The following SDK1 variants were observed in gnomAD, a reference collection of about 807,000 sequenced individuals.
SDK1 encodes sidekick cell adhesion molecule 1, also known as protein sidekick-1.
In SDK1, 157 loss-of-function variants were observed where a neutral mutation model predicts 245.5. The ratio of observed to expected loss-of-function variants is 0.64; its 90% CI spans 0.56 to 0.73. The LOEUF is 0.73. Among genes scored for constraint, SDK1 ranks in the 30% least tolerant of loss-of-function variants. SDK1 has a pLI of 0.00. For missense variants in SDK1, 3,583 were observed against 3,002.3 expected (o/e 1.19, Z -4.52); for synonymous variants, 1,647 against 1,278.5 (o/e 1.29, Z -6.15).
chr7:3,340,014 C>G (rs982111497), intron 1 of SDK1, among the ~76,000 whole-genome samples: 1 of 152,026 alleles, frequency 6.6e-6, no homozygotes, highest in East Asian at 1.9e-4. Flanking sequence ...GAGGATATCA[C>G]TACAGAGGCT....
intron 1 of SDK1, among the ~76,000 whole-genome samples, chr7:3,412,823 A>G (rs1401353818): frequency 6.6e-6 from 1 of 152,178 alleles, no homozygotes; most frequent in African/African-American, 2.4e-5. Context: ...GATTTAAGGA[A>G]TGTGACCTTC....
In SDK1 at chr7:4,123,481, C is replaced by T. The variant is rs534361542; in HGVS notation, c.3824-3900C>T. ...ACCCTATGGGAGCTCTGTGCAGGCC[C>T]AGGGAGCAGGAGTGAGCCGGGTGGA... On this transcript the variant is annotated intron_variant, in intron 25 of 44. Transcript: ENST00000404826. Among the ~76,000 whole-genome samples, 29 of 152,246 alleles carry T rather than the reference C, an allele frequency of 1.9e-4. No individual in the cohort carries two copies. The East Asian group carries it at 5.4e-3, about 28-fold the overall frequency.
intron 17 of SDK1, among the ~76,000 whole-genome samples, chr7:4,031,055 G>A (rs975426327): frequency 6.6e-6 from 1 of 152,046 alleles, no homozygotes; most frequent in African/African-American, 2.4e-5. Flanking sequence ...ACATATACAT[G>A]TATACATACA....
chr7:3,658,488 GA>G (rs966462117), intron 4 of SDK1, among the ~76,000 whole-genome samples: 83 of 141,840 alleles, frequency 5.9e-4, no homozygotes, highest in Middle Eastern at 3.6e-3. Flanking sequence ...AGTCTTTAAG[GA>G]AAAAAAAAAA....
chr7:3,937,952 C>T (rs1232368750), intron 5 of SDK1, among the ~76,000 whole-genome samples: 1 of 152,120 alleles, frequency 6.6e-6, no homozygotes, highest in Non-Finnish European at 1.5e-5. Context: ...GTTCTCCTGT[C>T]TCAGCCTTCT....
rs138544977 is a variant in SDK1 at position 3,941,015 on chromosome 7, C to T, written c.848-9908C>T. ...GGAAGCTTGGGCAGCTTCTGCAGAACGCCTTCCCTTCTCCCTCCTGACCCA... is the reference window on the plus strand; with the variant it reads ...GGAAGCTTGGGCAGCTTCTGCAGAATGCCTTCCCTTCTCCCTCCTGACCCA... On this transcript the variant is annotated intron_variant, in intron 5 of 44. Coordinates refer to ENST00000404826, the MANE Select transcript of SDK1 (RefSeq NM_152744.4). Among the ~76,000 whole-genome samples, 395 of 151,904 alleles carry T rather than the reference C, an allele frequency of 2.6e-3. 2 individuals are homozygous for T. The highest frequency in any genetic ancestry group is 8.8e-3 in the African/African-American group (366 of 41,410).
intron 1 of SDK1, among the ~76,000 whole-genome samples, chr7:3,599,393 T>C (rs1232329851): frequency 6.6e-6 from 1 of 152,208 alleles, no homozygotes; most frequent in Non-Finnish European, 1.5e-5. Flanking sequence ...ATAATGTGGT[T>C]TGCCTGTATT....
intron 28 of SDK1, among the ~76,000 whole-genome samples, chr7:4,138,545 G>C (rs984681613): frequency 6.6e-6 from 1 of 152,018 alleles, no homozygotes; most frequent in African/African-American, 2.4e-5. Context: ...TCAGGAGTTC[G>C]AGACCAGCCT....
At chr7:4,051,617 T>A (rs1789485376) in intron 18 of SDK1, 21 bp from the exon 19 acceptor site, 2 of 1,599,946 alleles carry the variant, frequency 1.3e-6, no homozygotes, top group African/African-American at 2.7e-5. Context: ...AGGCTGTCTT[T>A]TTCACCCTGT....
intron 1 of SDK1, among the ~76,000 whole-genome samples, chr7:3,424,552 T>C (rs563205545): frequency 4.6e-5 from 7 of 152,280 alleles, no homozygotes; most frequent in East Asian, 3.9e-4. Context: ...CATCAGTTTG[T>C]TTTCTGCTGA....
At chr7:3,344,357 G>A (rs983296649) in intron 1 of SDK1, among the ~76,000 whole-genome samples, 4 of 152,072 alleles carry the variant, frequency 2.6e-5, no homozygotes, top group Admixed American at 6.5e-5. Flanking sequence ...CTTTTATCTT[G>A]GAAAGCTGAA....
chr7:3,909,883 G>C (rs1204421369), intron 5 of SDK1, among the ~76,000 whole-genome samples: 21 of 152,130 alleles, frequency 1.4e-4, no homozygotes, highest in Admixed American at 1.4e-3. Flanking sequence ...ATGCAGCTTT[G>C]AAAACCTATA....
At chr7:4,149,687 C>G (rs1284078469) in intron 30 of SDK1, among the ~76,000 whole-genome samples, 1 of 152,176 alleles carries the variant, frequency 6.6e-6, no homozygotes, top group Non-Finnish European at 1.5e-5. Flanking sequence ...GTCTGCTCTT[C>G]CAGGTGTGCA....
At chr7:3,628,400 C>G (rs1325600022) in intron 2 of SDK1, among the ~76,000 whole-genome samples, 1 of 152,012 alleles carries the variant, frequency 6.6e-6, no homozygotes, top group Non-Finnish European at 1.5e-5. Context: ...GGCATATTTT[C>G]TTAATACCTA....
rs566587306 is a variant in SDK1 at position 3,320,720 on chromosome 7, T to G, written c.298+18836T>G. Among the ~76,000 whole-genome samples, 133 of 152,308 alleles carry G rather than the reference T, an allele frequency of 8.7e-4. 1 individual carries two copies. Among genetic ancestry groups the G allele is most frequent in the African/African-American group, 3.0e-3 (126 of 41,568 alleles). ...GCTTGACACAGGGCATTTGTTCAACTAGTTATCTTTGTTAAAAAAGAAAAT... is the reference window on the plus strand; with the variant it reads ...GCTTGACACAGGGCATTTGTTCAACGAGTTATCTTTGTTAAAAAAGAAAAT... On this transcript the variant is annotated intron_variant, in intron 1 of 44. Transcript: ENST00000404826.
At chr7:3,348,155 A>T (rs185699431) in intron 1 of SDK1, among the ~76,000 whole-genome samples, 47 of 152,252 alleles carry the variant, frequency 3.1e-4, no homozygotes, top group African/African-American at 1.0e-3. Context: ...CTCAATGATG[A>T]TGCACTTAGG....
chr7:4,258,921 G>C (rs952306418), intron 44 of SDK1, among the ~76,000 whole-genome samples: 1 of 152,212 alleles, frequency 6.6e-6, no homozygotes, highest in African/African-American at 2.4e-5. Flanking sequence ...CGTGAGAAAA[G>C]TGATTCCTTC....
At chr7:3,338,571 G>T (rs1035937606) in intron 1 of SDK1, 3 of 291,004 alleles carry the variant, frequency 1.0e-5, no homozygotes, top group Non-Finnish European at 2.0e-5. Context: ...CTGAGCTGCT[G>T]GGGTGTCTCT....
intron 1 of SDK1, among the ~76,000 whole-genome samples, chr7:3,611,790 C>A (rs564667839): frequency 1.3e-5 from 2 of 151,976 alleles, no homozygotes; most frequent in Non-Finnish European, 2.9e-5. Flanking sequence ...CTCCTTACTC[C>A]GGCAAAAATG....
Sources: gnomAD v4.1 joint callset for allele counts (sites outside exome capture counted in the v4.1 genomes callset) on GRCh38, gnomAD v4.1.1 for gene constraint, MANE v1.5 for transcripts, NCBI Gene and HGNC (gene_info 2026-07-23, HGNC 2026-07-21) for gene names.